Variants in DLG2 observed in about 807,000 individuals in gnomAD.
DLG2 encodes discs large MAGUK scaffold protein 2.
DLG2 carries 45 observed loss-of-function variants against 132.5 expected under a neutral mutation model. That is an observed-to-expected ratio of 0.34 (90% CI 0.27 to 0.44). DLG2 has a LOEUF of 0.44. Among genes scored for constraint, DLG2 ranks in the 20% least tolerant of loss-of-function variants. The pLI is 1.00. For synonymous variants in DLG2, 424 were observed against 419.6 expected, an observed-to-expected ratio of 1.01 and a Z score of -0.13; for missense variants, 1,045 against 1,196.9, an observed-to-expected ratio of 0.87 and a Z score of 1.87.
At chr11:84,148,289 G>C (rs1329973269) in intron 9 of DLG2, among the ~76,000 whole-genome samples, 1 of 152,098 alleles carries the variant, frequency 6.6e-6, no homozygotes, top group East Asian at 1.9e-4. Flanking sequence ...GTGTGACGCT[G>C]AGGTTTGGAG....
chr11:84,231,985 T>A (rs2097099725), intron 8 of DLG2, among the ~76,000 whole-genome samples: 1 of 151,898 alleles, frequency 6.6e-6, no homozygotes. Context: ...TAATGTGAGT[T>A]GAGTTGATAG....
chr11:85,577,284 T>C (rs1346009283), intron 3 of DLG2, among the ~76,000 whole-genome samples: 1 of 152,044 alleles, frequency 6.6e-6, no homozygotes, highest in African/African-American at 2.4e-5. Flanking sequence ...AGACTATAGT[T>C]GCTCAGGACA....
chr11:84,337,596 C>T (rs2098492801), intron 7 of DLG2, among the ~76,000 whole-genome samples: 1 of 152,000 alleles, frequency 6.6e-6, no homozygotes, highest in Non-Finnish European at 1.5e-5. Context: ...ATAATAAATA[C>T]TCTTCTCAGT....
intron 7 of DLG2, among the ~76,000 whole-genome samples, chr11:84,466,489 C>T (rs144711857): frequency 1.0e-3 from 154 of 151,216 alleles, no homozygotes; most frequent in African/African-American, 3.6e-3. Flanking sequence ...AAGACACAAA[C>T]GACTACATAT....
intron 12 of DLG2, among the ~76,000 whole-genome samples, chr11:83,972,081 A>G (rs933971874): frequency 1.3e-5 from 2 of 152,156 alleles, no homozygotes; most frequent in Non-Finnish European, 2.9e-5. Flanking sequence ...AGTAATGAAA[A>G]TCGGAATGGG....
rs554981163 is a variant in DLG2, at chr11:85,139,814, CTG to C, written c.282+14740_282+14741del. Among the ~76,000 whole-genome samples, 3 of 151,966 alleles carry C rather than the reference CTG, an allele frequency of 2.0e-5. 1 individual carries two copies. Among genetic ancestry groups the C allele is most frequent in the South Asian group, 4.1e-4 (2 of 4,832 alleles). On this transcript the variant is annotated intron_variant, in intron 5 of 27. Coordinates refer to ENST00000376104, the MANE Select transcript of DLG2 (RefSeq NM_001142699.3). ...CCAACTCAGTAACCACTGTTTTATT[CTG>C]TGTGTGTATTTTTTAAATTTTATTT...
intron 7 of DLG2, among the ~76,000 whole-genome samples, chr11:84,321,273 G>T (rs761213388): frequency 2.1e-4 from 32 of 152,090 alleles, no homozygotes; most frequent in Non-Finnish European, 2.8e-4. Flanking sequence ...TGTAGAACTG[G>T]TGAAACAGCT....
intron 4 of DLG2, among the ~76,000 whole-genome samples, chr11:85,258,984 T>C (rs76925578): frequency 0.065 from 9,953 of 152,310 alleles, 353 homozygotes; most frequent in Middle Eastern, 0.17. Context: ...CTGAGCTTCA[T>C]AGAGAGTAAG....
chr11:83,927,791 T>A (rs2154127425), intron 15 of DLG2, among the ~76,000 whole-genome samples: 1 of 152,134 alleles, frequency 6.6e-6, no homozygotes, highest in East Asian at 1.9e-4. Flanking sequence ...TGGGAGATGA[T>A]GGGGGCTTGG....
At chr11:83,836,907 A>T (rs977030259) in intron 16 of DLG2, among the ~76,000 whole-genome samples, 5 of 152,050 alleles carry the variant, frequency 3.3e-5, no homozygotes, top group Non-Finnish European at 7.4e-5. Context: ...CTCCCCCTTG[A>T]TCACAGAACA....
rs372472857 is a variant in DLG2 at position 84,785,403 on chromosome 11, A to T, written c.358-250672T>A. Among the ~76,000 whole-genome samples the T allele has an allele frequency of 2.6e-5, 4 of 152,242 alleles. No homozygotes were observed. In the East Asian group the frequency reaches 7.7e-4, roughly 29 times the overall value. Reference sequence around the variant, plus strand: ...AGCAATATTTTACGCAAGACTCCTCATGAGTTGTTAGGTATACTTCCATTA... The same window carrying T: ...AGCAATATTTTACGCAAGACTCCTCTTGAGTTGTTAGGTATACTTCCATTA... On this transcript the variant is annotated intron_variant, in intron 6 of 27. Transcript: ENST00000376104.
At chr11:83,966,502 C>T (rs1206166194) in intron 12 of DLG2, among the ~76,000 whole-genome samples, 1 of 151,988 alleles carries the variant, frequency 6.6e-6, no homozygotes, top group Admixed American at 6.6e-5. Flanking sequence ...CACCACTTCT[C>T]TGAAATGATT....
chr11:83,902,706 T>G (rs1050043308), intron 15 of DLG2, among the ~76,000 whole-genome samples: 1 of 151,992 alleles, frequency 6.6e-6, no homozygotes, highest in Non-Finnish European at 1.5e-5. Flanking sequence ...AAGACAGAAA[T>G]GCATCCCAAG....
intron 11 of DLG2, among the ~76,000 whole-genome samples, chr11:83,996,335 G>T (rs537370381): frequency 1.2e-4 from 18 of 152,190 alleles, no homozygotes; most frequent in Non-Finnish European, 2.4e-4. Context: ...AATACTGGCT[G>T]GGATATGGGA....
chr11:83,970,861 G>A (rs1324197612), intron 12 of DLG2, among the ~76,000 whole-genome samples: 2 of 152,010 alleles, frequency 1.3e-5, no homozygotes, highest in Non-Finnish European at 2.9e-5. Context: ...GTTTAATTAG[G>A]GTGCTGCTGA....
chr11:84,845,918 C>T (rs867290759), intron 6 of DLG2, among the ~76,000 whole-genome samples: 31 of 151,992 alleles, frequency 2.0e-4, no homozygotes, highest in Admixed American at 5.3e-4. Context: ...GATCCACCTG[C>T]CTCAGCCTCC....
At chr11:84,769,300 T>G (rs1353976505) in intron 6 of DLG2, among the ~76,000 whole-genome samples, 1 of 152,128 alleles carries the variant, frequency 6.6e-6, no homozygotes, top group Admixed American at 6.5e-5. Context: ...ATCATTCAGT[T>G]CTTCTGGAAT....
At chr11:84,786,910 C>G (rs568589542) in intron 6 of DLG2, among the ~76,000 whole-genome samples, 21 of 152,262 alleles carry the variant, frequency 1.4e-4, no homozygotes, top group African/African-American at 4.8e-4. Context: ...GGAAAATTCT[C>G]TGAAGTAAGT....
chr11:83,996,204 A>T (rs907671834), intron 11 of DLG2, among the ~76,000 whole-genome samples: 3 of 152,188 alleles, frequency 2.0e-5, no homozygotes, highest in African/African-American at 7.2e-5. Context: ...GACAGACAGC[A>T]AACAGACATA....
Sources: gnomAD v4.1 joint callset for allele counts (sites outside exome capture counted in the v4.1 genomes callset) on GRCh38, gnomAD v4.1.1 for gene constraint, MANE v1.5 for transcripts, NCBI Gene and HGNC (gene_info 2026-07-23, HGNC 2026-07-21) for gene names.